Variants in PDE4D observed in about 807,000 individuals in gnomAD.
PDE4D encodes the protein 3',5'-cyclic-AMP phosphodiesterase 4D.
Under a neutral mutation model 87.4 loss-of-function variants are expected in PDE4D, and 24 were observed. The ratio of observed to expected loss-of-function variants is 0.27; its 90% CI spans 0.20 to 0.39. The LOEUF (loss-of-function observed/expected upper bound fraction) is 0.39, where lower values mean the gene tolerates loss of function less well. Ranked by LOEUF, PDE4D falls within the 10% of genes least tolerant of loss-of-function variation. The pLI, the probability that PDE4D is intolerant of heterozygous loss-of-function variation, is 1.00. For missense variants in PDE4D, 714 were observed against 1,041.0 expected (o/e 0.69, Z 4.32); for synonymous variants, 384 against 383.2 (o/e 1.00, Z -0.02).
intron 1 of PDE4D, among the ~76,000 whole-genome samples, chr5:59,519,106 TTCTC>T (rs1811720733): frequency 6.6e-6 from 1 of 152,178 alleles, no homozygotes; most frequent in African/African-American, 2.4e-5. Context: ...ACTTTCCTCT[TTCTC>T]TCTCTCCCTC....
At position 60,336,360 on chromosome 5, in the gene PDE4D, G is replaced by A. The variant is rs541496035; in HGVS notation, c.-89-150673C>T. Reference sequence around the variant, plus strand: ...ATTTTACTGTAAATATGTGTTTGTGGCATGGCTATCCTGAGAAATAGCAAG... The same window carrying A: ...ATTTTACTGTAAATATGTGTTTGTGACATGGCTATCCTGAGAAATAGCAAG... On this transcript the variant is annotated intron_variant, in intron 1 of 16. Coordinates refer to the PDE4D transcript ENST00000502484. Among the ~76,000 whole-genome samples, 231 of 152,218 alleles carry A rather than the reference G, an allele frequency of 1.5e-3. 1 individual carries two copies. The highest frequency in any genetic ancestry group is 2.0e-3 in the Non-Finnish European group (133 of 68,016).
intron 1 of PDE4D, among the ~76,000 whole-genome samples, chr5:60,474,149 T>TATATATATATATATAA (rs1212803987): frequency 3.2e-5 from 3 of 94,408 alleles, no homozygotes; most frequent in African/African-American, 2.1e-4. Flanking sequence ...TATATATATA[T>TATATATATATATATAA]AACAAAAACC....
At chr5:59,405,387 G>A (rs1305254720) in intron 1 of PDE4D, among the ~76,000 whole-genome samples, 2 of 152,164 alleles carry the variant, frequency 1.3e-5, no homozygotes, top group Admixed American at 6.5e-5. Context: ...TTCACCATTG[G>A]CATATAGAAA....
chr5:60,223,439 A>G (rs1343800991), intron 1 of PDE4D, among the ~76,000 whole-genome samples: 1 of 152,174 alleles, frequency 6.6e-6, no homozygotes, highest in Admixed American at 6.5e-5. Flanking sequence ...GGACACCACA[A>G]GAATTCTAAG....
intron 1 of PDE4D, among the ~76,000 whole-genome samples, chr5:60,504,613 G>A (rs1367072755): frequency 6.6e-6 from 1 of 152,162 alleles, no homozygotes; most frequent in African/African-American, 2.4e-5. Context: ...ACTGCAGCAA[G>A]CTCCAGGTTG....
intron 1 of PDE4D, among the ~76,000 whole-genome samples, chr5:59,460,565 C>T (rs570502568): frequency 1.3e-5 from 2 of 152,156 alleles, no homozygotes; most frequent in South Asian, 4.1e-4. Flanking sequence ...CATGCTGGGT[C>T]GTCTGGACAA....
chr5:59,803,150 C>T (rs1157730368), intron 1 of PDE4D, among the ~76,000 whole-genome samples: 1 of 152,104 alleles, frequency 6.6e-6, no homozygotes, highest in Admixed American at 6.6e-5. Context: ...GGAATATAAA[C>T]GTGACTTGAT....
chr5:59,865,922 A>T (rs1746960620), intron 1 of PDE4D, among the ~76,000 whole-genome samples: 1 of 152,272 alleles, frequency 6.6e-6, no homozygotes, highest in Non-Finnish European at 1.5e-5. Context: ...TCATTCTGAC[A>T]GGTGATTGCT....
At chr5:59,026,945 ATTAT>A (rs1321036211) in intron 6 of PDE4D, among the ~76,000 whole-genome samples, 1 of 152,216 alleles carries the variant, frequency 6.6e-6, no homozygotes, top group Non-Finnish European at 1.5e-5. Flanking sequence ...ATACTGATAC[ATTAT>A]TATTAAACAA....
At chr5:59,993,389 G>C (rs1763205633) in intron 2 of PDE4D, among the ~76,000 whole-genome samples, 1 of 152,154 alleles carries the variant, frequency 6.6e-6, no homozygotes, top group Non-Finnish European at 1.5e-5. Flanking sequence ...TCTAATTGCT[G>C]TACTGAAGGA....
At chr5:60,326,428 A>G (rs947029604) in intron 1 of PDE4D, among the ~76,000 whole-genome samples, 1 of 152,154 alleles carries the variant, frequency 6.6e-6, no homozygotes, top group Non-Finnish European at 1.5e-5. Flanking sequence ...AAAATCAGGG[A>G]TAACACTAGA....
intron 1 of PDE4D, among the ~76,000 whole-genome samples, chr5:59,448,776 G>T (rs1301743343): frequency 1.3e-5 from 2 of 152,104 alleles, no homozygotes; most frequent in Non-Finnish European, 2.9e-5. Flanking sequence ...GATACTACAG[G>T]TGTATGCCAC....
intron 5 of PDE4D, among the ~76,000 whole-genome samples, chr5:59,159,136 C>G (rs955928660): frequency 6.6e-5 from 10 of 152,238 alleles, no homozygotes; most frequent in African/African-American, 2.4e-4. Context: ...TCTTACGATA[C>G]TCTGTGGTAC....
At chr5:59,347,707 T>C (rs1005059444) in intron 1 of PDE4D, among the ~76,000 whole-genome samples, 1 of 152,184 alleles carries the variant, frequency 6.6e-6, no homozygotes, top group Non-Finnish European at 1.5e-5. Context: ...CTACATCTTC[T>C]TTTCATCTTC....
intron 5 of PDE4D, chr5:59,039,680 C>T (rs761137708): frequency 1.5e-4 from 34 of 228,222 alleles, no homozygotes; most frequent in Non-Finnish European, 2.3e-4. Context: ...CTGTCCCTGT[C>T]CGTGCCACCC....
At chr5:60,442,575 A>C (rs1009780717) in intron 1 of PDE4D, among the ~76,000 whole-genome samples, 2 of 152,130 alleles carry the variant, frequency 1.3e-5, no homozygotes, top group African/African-American at 2.4e-5. Flanking sequence ...CCAGAAATTA[A>C]AGTATAATAA....
At chr5:60,474,619 A>G (rs886291033) in intron 1 of PDE4D, among the ~76,000 whole-genome samples, 1 of 152,170 alleles carries the variant, frequency 6.6e-6, no homozygotes, top group South Asian at 2.1e-4. Context: ...GTGTGCTGCC[A>G]GGGCTGATCA....
chr5:60,311,800 G>C (rs1755063662), intron 1 of PDE4D, among the ~76,000 whole-genome samples: 1 of 152,284 alleles, frequency 6.6e-6, no homozygotes, highest in Admixed American at 6.5e-5. Context: ...AGACCTAACT[G>C]TATGCTATCT....
At chr5:59,095,951 C>T (rs180955864) in intron 5 of PDE4D, among the ~76,000 whole-genome samples, 18 of 152,232 alleles carry the variant, frequency 1.2e-4, no homozygotes, top group Admixed American at 4.6e-4. Context: ...TTAAGTGTTC[C>T]GTATTTATTT....
Sources: allele counts gnomAD v4.1 joint callset (sites outside exome capture counted in the v4.1 genomes callset), GRCh38; gene constraint gnomAD v4.1.1; transcripts MANE v1.5; gene names NCBI Gene and HGNC (gene_info 2026-07-23, HGNC 2026-07-21).